The following SEPSECS variants were observed in gnomAD, a reference collection of about 807,000 sequenced individuals.
SEPSECS encodes the protein O-phosphoseryl-tRNA(Sec) selenium transferase.
SEPSECS carries 42 observed loss-of-function variants against 52.1 expected under a neutral mutation model. That is an observed-to-expected ratio of 0.81 (90% CI 0.63 to 1.04). SEPSECS has a LOEUF of 1.04. SEPSECS is among the 50% of genes least tolerant of loss of function. The pLI, the probability that SEPSECS is intolerant of heterozygous loss-of-function variation, is 0.00. For synonymous variants in SEPSECS, 216 were observed against 211.4 expected (o/e 1.02, Z -0.19); for missense variants, 590 against 610.6 (o/e 0.97, Z 0.36).
In SEPSECS at chr4:25,121,131, G is replaced by A. The variant is rs1328249197; in HGVS notation, c.*2800C>T. The A allele has an allele frequency of 6.6e-6, 1 of 152,044 alleles. No individual in the cohort carries two copies. Among genetic ancestry groups the A allele is most frequent in the East Asian group, 1.9e-4 (1 of 5,196 alleles). The allele number at this position is 152,044 out of a possible 1,614,324, so 9.4% of individuals were successfully genotyped here. Reference sequence around the variant, plus strand: ...TAACTTCATTCAACTAATACAAAAAGCTAAATAGAAAGATTTACAGTTGAA... The same window carrying A: ...TAACTTCATTCAACTAATACAAAAAACTAAATAGAAAGATTTACAGTTGAA... On this transcript the variant is annotated 3_prime_UTR_variant, in exon 11 of 11. Transcript: ENST00000382103.
intron 2 of SEPSECS, among the ~76,000 whole-genome samples, chr4:25,157,990 C>T (rs1712792227): frequency 1.3e-5 from 2 of 152,144 alleles, no homozygotes; most frequent in Admixed American, 1.3e-4. Context: ...CAATATTATA[C>T]ATTGTTTAAA....
At chr4:25,131,578 A>G (rs1415626868) in intron 8 of SEPSECS, among the ~76,000 whole-genome samples, 1 of 152,230 alleles carries the variant, frequency 6.6e-6, no homozygotes, top group Non-Finnish European at 1.5e-5. Context: ...ATCTGCATTC[A>G]AGTTGTTAAG....
chr4:25,134,451 C>A (rs1292856651), intron 8 of SEPSECS, among the ~76,000 whole-genome samples: 1 of 151,006 alleles, frequency 6.6e-6, no homozygotes, highest in African/African-American at 2.4e-5. Context: ...TCTTAAATAC[C>A]CTGTGTTCAT....
intron 1 of SEPSECS, chr4:25,159,386 T>TACA: frequency 4.7e-6 from 2 of 426,672 alleles, no homozygotes; most frequent in Non-Finnish European, 8.4e-6. Context: ...TGAAAACCAA[T>TACA]ACAACACATC....
At position 25,121,932 on chromosome 4, in the gene SEPSECS, T is replaced by A. The variant is rs1185922853; in HGVS notation, c.*1999A>T. ...TTAAGCTAAATGATGATCACAACAA[T>A]ATAGATCACTTGTTCTATAAAACAA... On this transcript the variant is annotated 3_prime_UTR_variant, in exon 11 of 11. Transcript: ENST00000382103. 6.6e-6 allele frequency: 1 copy of A among 152,170 alleles called. No homozygotes were observed. The highest frequency in any genetic ancestry group is 6.6e-5 in the Admixed American group (1 of 15,264). 9.4% of individuals were successfully genotyped at this position (152,170 alleles called of 1,614,324 possible).
chr4:25,147,431 TG>T (rs1312987321), intron 6 of SEPSECS, among the ~76,000 whole-genome samples: 1 of 152,222 alleles, frequency 6.6e-6, no homozygotes, highest in African/African-American at 2.4e-5. Context: ...AAGTGACAAT[TG>T]GGTTTGTGAA....
intron 8 of SEPSECS, among the ~76,000 whole-genome samples, chr4:25,137,904 T>A (rs1419211992): frequency 2.6e-5 from 4 of 152,196 alleles, no homozygotes; most frequent in African/African-American, 7.2e-5. Flanking sequence ...AATGACATCA[T>A]GTCCTTTGCA....
chr4:25,159,658 G>A lies in SEPSECS; in HGVS notation c.115-551C>T, dbSNP rs574623800. On this transcript the variant is annotated intron_variant, in intron 1 of 10. Coordinates refer to ENST00000382103, the MANE Select transcript of SEPSECS (RefSeq NM_016955.4). ...GTGGTGGCGGGCGCCTGTAGTCCCA[G>A]CTACTCGGGAGGCTGAGGCAGGCGA... 3.1e-3 allele frequency: 1,088 copies of A among 353,170 alleles called. 19 individuals are homozygous for A. Among genetic ancestry groups the A allele is most frequent in the South Asian group, 0.02 (852 of 43,494 alleles). The allele number at this position is 353,170 out of a possible 1,614,324, so 21.9% of individuals were successfully genotyped here. A position where few individuals can be genotyped will look rare whatever the true frequency, so the allele number is the denominator to read the frequency against.
intron 2 of SEPSECS, among the ~76,000 whole-genome samples, chr4:25,158,038 C>T (rs930891032): frequency 1.3e-5 from 2 of 152,208 alleles, no homozygotes; most frequent in South Asian, 4.2e-4. Context: ...AAAACCCTTT[C>T]GTAATTTGAG....
intron 8 of SEPSECS, among the ~76,000 whole-genome samples, chr4:25,139,384 C>CTTTTTT (rs5856888): frequency 1.1e-4 from 12 of 108,820 alleles, no homozygotes; most frequent in Admixed American, 1.2e-4. Context: ...AAAGTTGTGT[C>CTTTTTT]TTTTTTTTTT....
chr4:25,125,544 C>G (rs891102303), intron 10 of SEPSECS, 150 bp downstream of exon 10: 1 of 681,024 alleles, frequency 1.5e-6, no homozygotes, highest in South Asian at 1.6e-5. Flanking sequence ...AGTAGCCTTA[C>G]AGATTCTCTA....
intron 1 of SEPSECS, chr4:25,159,898 T>G: frequency 8.6e-7 from 1 of 1,160,448 alleles, no homozygotes; most frequent in Non-Finnish European, 1.1e-6. Flanking sequence ...AACACCATTA[T>G]GTGTTCTGAG....
rs1712891793 is a variant in SEPSECS at position 25,159,216 on chromosome 4, T to C, written c.115-109A>G. ...AACGTGTATTTTGCCACGCTGCTTG[T>C]TTTCTAAAATTCAAGCATAAATTCA... On this transcript the variant is annotated intron_variant, in intron 1 of 10. Transcript: ENST00000382103. The C allele has an allele frequency of 4.3e-6, 4 of 940,698 alleles. No individual in the cohort carries two copies. The South Asian group carries it at 7.3e-5, about 17-fold the overall frequency. 58.3% of individuals were successfully genotyped at this position (940,698 alleles called of 1,614,324 possible).
intron 6 of SEPSECS, 146 bp from the exon 7 acceptor site, chr4:25,145,279 C>G (rs1307203242): frequency 3.9e-6 from 3 of 772,740 alleles, no homozygotes; most frequent in Non-Finnish European, 6.4e-6. Context: ...ATACATGCAT[C>G]AAAACATCAA....
At chr4:25,156,777 G>A (rs1019489011) in intron 3 of SEPSECS, 79 bp downstream of exon 3, 6 of 767,110 alleles carry the variant, frequency 7.8e-6, no homozygotes, top group Admixed American at 7.0e-5. Flanking sequence ...TTGGAAAGGG[G>A]CAATAATAAA....
intron 3 of SEPSECS, 112 bp from the exon 4 acceptor site, chr4:25,156,307 TTC>T (rs1188648302): frequency 7.5e-6 from 7 of 929,718 alleles, no homozygotes; most frequent in Non-Finnish European, 1.2e-5. Flanking sequence ...GCCCTAGGGC[TTC>T]TGTTTCTGTA....
chr4:25,144,681 C>T (rs1389194984), intron 8 of SEPSECS, 93 bp downstream of exon 8: 8 of 881,980 alleles, frequency 9.1e-6, no homozygotes, highest in East Asian at 4.8e-5. Flanking sequence ...ATGTCTCCCT[C>T]CCAGTGCAAG....
At chr4:25,156,639 C>T (rs1184066970) in intron 3 of SEPSECS, among the ~76,000 whole-genome samples, 1 of 125,926 alleles carries the variant, frequency 7.9e-6, no homozygotes, top group Non-Finnish European at 1.6e-5. Flanking sequence ...ACCCGGGAGA[C>T]GGAGCTTGCA....
At chr4:25,157,861 T>G (rs1020174918) in intron 2 of SEPSECS, among the ~76,000 whole-genome samples, 23 of 152,178 alleles carry the variant, frequency 1.5e-4, no homozygotes, top group African/African-American at 3.9e-4. Context: ...TCTTTTTTCT[T>G]TACTTTTCCC....
Sources: gnomAD v4.1 joint callset for allele counts (sites outside exome capture counted in the v4.1 genomes callset) on GRCh38, gnomAD v4.1.1 for gene constraint, MANE v1.5 for transcripts, NCBI Gene and HGNC (gene_info 2026-07-23, HGNC 2026-07-21) for gene names.